The following RFX4 variants were observed in gnomAD, a reference collection of about 807,000 sequenced individuals.
The protein encoded by RFX4 is regulatory factor X4, also known as transcription factor RFX4.
In RFX4, 10 loss-of-function variants were observed where a neutral mutation model predicts 95.0. The ratio of observed to expected loss-of-function variants is 0.11; its 90% CI spans 0.06 to 0.18. The LOEUF is 0.18. Among genes scored for constraint, RFX4 ranks in the 10% least tolerant of loss-of-function variants. The probability of loss-of-function intolerance (pLI) is 1.00; values close to 1 mark genes in which losing one functional copy is unlikely to be tolerated. For missense variants in RFX4, 640 were observed against 922.0 expected, an observed-to-expected ratio of 0.69 and a Z score of 3.96; for synonymous variants, 321 against 340.7, an observed-to-expected ratio of 0.94 and a Z score of 0.64.
chr12:106,720,417 T>C lies in RFX4; in HGVS notation c.1234-342T>C, dbSNP rs550636642. On this transcript the variant is annotated intron_variant, in intron 12 of 17. Coordinates refer to ENST00000392842, the MANE Select transcript of RFX4 (RefSeq NM_213594.3). This position sits in a 1 kb window ranked among gnomAD's most constrained non-coding sequence, Gnocchi z 4.2. The stretch of plus-strand genomic sequence containing the variant: ...TTATTTTTGAGACAGGGTCTCACTT[T>C]GTTGCCCAGGCTGGAGTGCAGTGGT... Among the ~76,000 whole-genome samples, 3 of 152,256 alleles carry C rather than the reference T, an allele frequency of 2.0e-5. No individual in the cohort carries two copies. Among genetic ancestry groups the C allele is most frequent in the Non-Finnish European group, 4.4e-5 (3 of 68,044 alleles).
intron 2 of RFX4, 33 bp from the exon 3 acceptor site, chr12:106,639,299 C>T: frequency 6.3e-7 from 1 of 1,596,434 alleles, no homozygotes; most frequent in Non-Finnish European, 8.6e-7. Flanking sequence ...CTGTTTCCTA[C>T]TGAAGTTAGC....
intron 17 of RFX4, among the ~76,000 whole-genome samples, chr12:106,752,434 C>G (rs2043025374): frequency 6.6e-6 from 1 of 152,130 alleles, no homozygotes; most frequent in African/African-American, 2.4e-5. Context: ...TCTCACACAC[C>G]TGGTCGCTAA....
intron 2 of RFX4, among the ~76,000 whole-genome samples, chr12:106,620,803 A>G (rs1565952945): frequency 2.0e-5 from 3 of 152,004 alleles, no homozygotes; most frequent in African/African-American, 4.8e-5. Context: ...ACCACATAAG[A>G]CAGACACTCC....
intron 15 of RFX4, among the ~76,000 whole-genome samples, chr12:106,745,313 G>A (rs1263345879): frequency 6.6e-6 from 1 of 152,178 alleles, no homozygotes; most frequent in Non-Finnish European, 1.5e-5. Context: ...TGCATGGTCT[G>A]TAAGAGATGC....
chr12:106,752,460 A>G (rs1282818318), intron 17 of RFX4, among the ~76,000 whole-genome samples: 2 of 150,550 alleles, frequency 1.3e-5, no homozygotes, highest in East Asian at 3.9e-4. Context: ...TTTTTTTTTC[A>G]TTCTATCCCC....
chr12:106,739,832 T>C (rs560033457), intron 15 of RFX4, among the ~76,000 whole-genome samples: 5 of 152,306 alleles, frequency 3.3e-5, no homozygotes, highest in African/African-American at 1.2e-4. Flanking sequence ...CCTGGCAAAG[T>C]TGGCAAAGTT....
chr12:106,736,289 C>T (rs576578336), intron 15 of RFX4, among the ~76,000 whole-genome samples: 1 of 152,290 alleles, frequency 6.6e-6, no homozygotes, highest in South Asian at 2.1e-4. Flanking sequence ...GGCAGTATTT[C>T]CCAAACTGAT....
chr12:106,756,915 C>T (rs1469897702), intron 17 of RFX4, among the ~76,000 whole-genome samples: 1 of 152,306 alleles, frequency 6.6e-6, no homozygotes, highest in Non-Finnish European at 1.5e-5. Context: ...CCATTATATT[C>T]CCATGGCCTA....
intron 1 of RFX4, chr12:106,601,366 G>A (rs1372246856): frequency 1.3e-6 from 2 of 1,567,120 alleles, no homozygotes; most frequent in African/African-American, 1.4e-5. Flanking sequence ...AGGGCCCAGG[G>A]ACAGGAGACT....
chr12:106,705,264 T>C (rs1377727589), intron 8 of RFX4, among the ~76,000 whole-genome samples: 2 of 152,196 alleles, frequency 1.3e-5, no homozygotes, highest in East Asian at 1.9e-4. Flanking sequence ...GTTGTTGCAG[T>C]TGTAACAGCA....
chr12:106,591,870 C>T (rs1410362276), intron 1 of RFX4, among the ~76,000 whole-genome samples: 3 of 152,144 alleles, frequency 2.0e-5, no homozygotes, highest in African/African-American at 4.8e-5. Flanking sequence ...AATATGGCTT[C>T]AGGGGTATGT....
chr12:106,740,124 A>G (rs1366208466), intron 15 of RFX4, among the ~76,000 whole-genome samples: 3 of 152,228 alleles, frequency 2.0e-5, no homozygotes, highest in African/African-American at 7.2e-5. Flanking sequence ...TCCCTGCAAC[A>G]CAAAACCAGC....
intron 2 of RFX4, among the ~76,000 whole-genome samples, chr12:106,635,137 G>T (rs1428340858): frequency 6.6e-6 from 1 of 152,118 alleles, no homozygotes; most frequent in Non-Finnish European, 1.5e-5. Flanking sequence ...AGGATTATTC[G>T]AATCTAGGTC....
intron 4 of RFX4, among the ~76,000 whole-genome samples, chr12:106,679,668 T>A (rs934880773): frequency 1.3e-5 from 2 of 152,186 alleles, no homozygotes; most frequent in Non-Finnish European, 2.9e-5. Flanking sequence ...TTAACCAATG[T>A]GAAAAATCCC....
chr12:106,748,857 G>A (rs13313224), intron 16 of RFX4, among the ~76,000 whole-genome samples: 23,729 of 151,994 alleles, frequency 0.16, 2,133 homozygotes, highest in East Asian at 0.27. Flanking sequence ...AGGCCAAGGC[G>A]GGGTGGATCA....
chr12:106,589,909 T>C (rs1487268338), intron 1 of RFX4, among the ~76,000 whole-genome samples: 3 of 152,248 alleles, frequency 2.0e-5, no homozygotes, highest in Admixed American at 2.0e-4. Context: ...AGACAAATCT[T>C]GGCTTTCTTC....
In RFX4 at chr12:106,715,525, C is replaced by G; in HGVS notation, c.1119C>G (p.His373Gln). 1 of 1,614,146 alleles carries G rather than the reference C, an allele frequency of 6.2e-7. No individual in the cohort carries two copies. Among genetic ancestry groups the G allele is most frequent in the Non-Finnish European group, 8.5e-7 (1 of 1,180,008 alleles). Residue 373 changes from histidine (H) to glutamine (Q), a missense_variant, in exon 11 of 18, where the codon CAC becomes CAG. This residue lies in a region of RFX4 where 72 missense variants were observed against 80.5 expected (regional missense o/e 0.89). Coordinates refer to ENST00000392842, the MANE Select transcript of RFX4 (RefSeq NM_213594.3). ...LYTMEDSRDE[H>Q]RKLITQLYQE... The stretch of plus-strand genomic sequence containing the variant: ...CCATGGAAGACTCTCGCGATGAGCA[C>G]CGGAAACTCATCACCCAATGTAAGC...
At position 106,761,449 on chromosome 12, in the gene RFX4, T is replaced by G. The variant is rs1418164146; in HGVS notation, c.2188T>G (p.Ser730Ala). Residue 730 changes from serine to alanine, a missense_variant, in exon 18 of 18, where the codon TCT becomes GCT. By Grantham distance (99) the Ser-to-Ala change is moderately conservative. This residue lies in a region of RFX4 where 300 missense variants were observed against 346.8 expected (regional missense o/e 0.87). Transcript: ENST00000392842. ...PGFAYINGEASTGWAK is the reference protein window; with the variant it reads ...PGFAYINGEAATGWAK ...CTTTGCTTACATCAACGGAGAGGCCTCTACAGGATGGGCTAAATGACTGCT... is the reference window on the plus strand; with the variant it reads ...CTTTGCTTACATCAACGGAGAGGCCGCTACAGGATGGGCTAAATGACTGCT... The G allele has an allele frequency of 9.3e-6, 15 of 1,613,440 alleles. No homozygotes were observed. The highest frequency in any genetic ancestry group is 1.3e-5 in the Non-Finnish European group (15 of 1,179,742).
At chr12:106,756,732 C>G (rs2043114773) in intron 17 of RFX4, among the ~76,000 whole-genome samples, 1 of 152,064 alleles carries the variant, frequency 6.6e-6, no homozygotes, top group Admixed American at 6.6e-5. Context: ...CAGTGAGGGT[C>G]AAGTGAGTTA....
Sources: allele counts gnomAD v4.1 joint callset (sites outside exome capture counted in the v4.1 genomes callset), GRCh38; gene constraint gnomAD v4.1.1; regional missense constraint gnomAD v4.1.1; non-coding constraint Gnocchi (gnomAD v3.1); transcripts MANE v1.5; gene names NCBI Gene and HGNC (gene_info 2026-07-23, HGNC 2026-07-21).